The following MMP26 variants were observed in gnomAD, a reference collection of about 807,000 sequenced individuals.
MMP26 encodes matrix metalloproteinase-26.
In MMP26, 33 loss-of-function variants were observed where a neutral mutation model predicts 31.0. The ratio of observed to expected loss-of-function variants is 1.06; its 90% confidence interval spans 0.81 to 1.42. The LOEUF (loss-of-function observed/expected upper bound fraction) is 1.42. MMP26 is among the 40% of genes most tolerant of loss of function. The probability of loss-of-function intolerance (pLI) is 0.00; values close to 1 mark genes in which losing one functional copy is unlikely to be tolerated. For synonymous variants in MMP26, 122 were observed against 114.9 expected, an observed-to-expected ratio of 1.06 and a Z score of -0.40; for missense variants, 347 against 316.1, an observed-to-expected ratio of 1.10 and a Z score of -0.74.
rs1847013828 is a variant in MMP26 at position 4,992,038 on chromosome 11, T to C, written c.670T>C (p.Ser224Pro). The change falls in exon 7 of 8, where the codon TCC becomes CCC. Residue 224 changes from serine (S) to proline (P), a missense_variant. Coordinates refer to ENST00000380390, the MANE Select transcript of MMP26 (RefSeq NM_021801.5). The part of the protein sequence containing the change: ...LGLQHSGNQS[S>P]IMYPTYWYHD... Reference sequence around the variant, plus strand: ...CCTGCAGCACTCTGGGAATCAGAGCTCCATAATGTACCCCACTTACTGGTA... The same window carrying C: ...CCTGCAGCACTCTGGGAATCAGAGCCCCATAATGTACCCCACTTACTGGTA... 1.9e-6 allele frequency: 3 copies of C among 1,614,016 alleles called. No individual in the cohort carries two copies. Among genetic ancestry groups the C allele is most frequent in the East Asian group, 4.5e-5 (2 of 44,870 alleles).
At chr11:4,877,289 C>G (rs1198761864) in intron 2 of MMP26, 4 of 152,352 alleles carry the variant, frequency 2.6e-5, no homozygotes, top group East Asian at 3.9e-4. Flanking sequence ...ACACCTGTCT[C>G]TCTCATATCT....
intron 2 of MMP26, among the ~76,000 whole-genome samples, chr11:4,903,614 G>A (rs995481101): frequency 3.3e-5 from 5 of 152,076 alleles, no homozygotes; most frequent in Non-Finnish European, 7.4e-5. Context: ...TCTAGTTTCT[G>A]TTAAGGTACA....
intron 2 of MMP26, chr11:4,795,075 A>T (rs1426211250): frequency 6.6e-6 from 1 of 152,232 alleles, no homozygotes; most frequent in African/African-American, 2.4e-5. Context: ...TAGAACCAAT[A>T]AAAGGATAAT....
chr11:4,924,865 G>A (rs979854740), intron 2 of MMP26, among the ~76,000 whole-genome samples: 7 of 152,158 alleles, frequency 4.6e-5, no homozygotes, highest in African/African-American at 1.4e-4. Context: ...GTGGGGCTGG[G>A]ATTGATATGA....
intron 2 of MMP26, among the ~76,000 whole-genome samples, chr11:4,985,998 T>C (rs1178903232): frequency 6.6e-6 from 1 of 152,206 alleles, no homozygotes; most frequent in Non-Finnish European, 1.5e-5. Flanking sequence ...ATTCAACATG[T>C]TTTTAATGTT....
chr11:4,866,424 G>A (rs1850235284), intron 2 of MMP26, among the ~76,000 whole-genome samples: 1 of 151,936 alleles, frequency 6.6e-6, no homozygotes, highest in South Asian at 2.1e-4. Flanking sequence ...AGACTTTTAA[G>A]GAAACAGGAA....
intron 2 of MMP26, among the ~76,000 whole-genome samples, chr11:4,778,161 G>A (rs550961532): frequency 1.3e-5 from 2 of 151,980 alleles, no homozygotes; most frequent in Non-Finnish European, 2.9e-5. Context: ...TTTCTTATGG[G>A]TGTTCACTGA....
At chr11:4,730,404 A>AAGAGAGAGAGAGAGAGAGAG (rs59289871) in intron 1 of MMP26, among the ~76,000 whole-genome samples, 3,029 of 144,830 alleles carry the variant, frequency 0.021, 61 homozygotes, top group Admixed American at 0.026. Context: ...GTTTCTGGGA[A>AAGAGAGAGAGAGAGAGAGAG]AGAGAGAGAG....
In MMP26 at chr11:4,932,366, T is replaced by C. The variant is rs367930830; in HGVS notation, c.-144-55702T>C. On this transcript the variant is annotated intron_variant, in intron 2 of 7. Coordinates refer to ENST00000380390, the MANE Select transcript of MMP26 (RefSeq NM_021801.5). ...AATGGATGCAGTGGAAACGACTCTT[T>C]ATTTGTTGCAGCTATAGTCCTTAAC... 1.9e-4 allele frequency among the ~76,000 whole-genome samples: 29 copies of C among 152,270 alleles called. No homozygotes were observed. In the East Asian group the frequency reaches 2.9e-3, roughly 15 times the overall value.
At chr11:4,991,279 A>T in intron 5 of MMP26, 92 bp from the exon 6 acceptor site, 1 of 1,453,580 alleles carries the variant, frequency 6.9e-7, no homozygotes, top group African/African-American at 1.4e-5. Context: ...ACTGTTGCAC[A>T]GTATCCTAAG....
At chr11:4,789,530 C>CCTTTT in intron 2 of MMP26, among the ~76,000 whole-genome samples, 1 of 65,942 alleles carries the variant, frequency 1.5e-5, no homozygotes, top group Non-Finnish European at 2.7e-5. Context: ...TATCCCCCCA[C>CCTTTT]TTTTTTTTTT....
In MMP26 at chr11:4,992,092, G is replaced by A. The variant is rs772040069; in HGVS notation, c.724G>A (p.Ala242Thr). Residue 242 changes from alanine (A) to threonine (T), a missense_variant, in exon 7 of 8, where the codon GCC becomes ACC. Transcript: ENST00000380390. The part of the protein sequence containing the change: ...YHDPRTFQLS[A>T]DDIQRIQHLY... ...CGACCCTAGAACCTTCCAGCTCAGT[G>A]CCGATGATATCCAAAGGATCCAGCA... 1 of 1,613,616 alleles carries A rather than the reference G, an allele frequency of 6.2e-7. No homozygotes were observed. The highest frequency in any genetic ancestry group is 1.1e-5 in the South Asian group (1 of 90,996).
chr11:4,752,294 A>T (rs372997431), intron 1 of MMP26: 1 of 152,290 alleles, frequency 6.6e-6, no homozygotes, highest in African/African-American at 2.4e-5. Flanking sequence ...CTGGGGATGC[A>T]ATGCTGAGAC....
At chr11:4,920,547 G>A (rs559981028) in intron 2 of MMP26, among the ~76,000 whole-genome samples, 1 of 152,274 alleles carries the variant, frequency 6.6e-6, no homozygotes, top group Admixed American at 6.5e-5. Context: ...GATGTAAGAA[G>A]TGCTCAGAAT....
chr11:4,843,871 G>T (rs1849831017), intron 2 of MMP26, among the ~76,000 whole-genome samples: 1 of 152,056 alleles, frequency 6.6e-6, no homozygotes, highest in Non-Finnish European at 1.5e-5. Context: ...TAAGCTCTTT[G>T]TTCATGCATA....
At chr11:4,757,521 G>C (rs1315355459) in intron 1 of MMP26, among the ~76,000 whole-genome samples, 1 of 151,644 alleles carries the variant, frequency 6.6e-6, no homozygotes, top group East Asian at 1.9e-4. Context: ...TCACCATTAA[G>C]AAAATAAGAA....
chr11:4,855,643 A>C (rs1461945587), intron 2 of MMP26, among the ~76,000 whole-genome samples: 2 of 152,170 alleles, frequency 1.3e-5, no homozygotes, highest in Non-Finnish European at 2.9e-5. Context: ...GTTAGAAAAC[A>C]CTCTTCAGGA....
At chr11:4,859,575 T>C in intron 2 of MMP26, 1 of 381,502 alleles carries the variant, frequency 2.6e-6, no homozygotes, top group Non-Finnish European at 5.4e-6. Flanking sequence ...TTCCAGTGGA[T>C]ACTTACTCTG....
At chr11:4,894,160 C>T (rs1850669093) in intron 2 of MMP26, among the ~76,000 whole-genome samples, 1 of 151,390 alleles carries the variant, frequency 6.6e-6, no homozygotes, top group Non-Finnish European at 1.5e-5. Context: ...AAAGAGAAAA[C>T]AGAAAAATCA....
Sources: allele counts gnomAD v4.1 joint callset (sites outside exome capture counted in the v4.1 genomes callset), GRCh38; gene constraint gnomAD v4.1.1; transcripts MANE v1.5; gene names NCBI Gene and HGNC (gene_info 2026-07-23, HGNC 2026-07-21).